Variants in CAMTA1 observed in about 807,000 individuals in gnomAD.
The protein encoded by CAMTA1 is calmodulin binding transcription activator 1.
In CAMTA1, 27 loss-of-function variants were observed where a neutral mutation model predicts 170.9. That is an observed-to-expected ratio of 0.16 (90% CI 0.12 to 0.22). The LOEUF (loss-of-function observed/expected upper bound fraction) is 0.22. Ranked by LOEUF, CAMTA1 falls within the 10% of genes least tolerant of loss-of-function variation. CAMTA1 has a pLI of 1.00. For synonymous variants in CAMTA1, 833 were observed against 891.5 expected, an observed-to-expected ratio of 0.93 and a Z score of 1.17; for missense variants, 1,619 against 2,217.2, an observed-to-expected ratio of 0.73 and a Z score of 5.42.
At chr1:7,500,083 G>T (rs2093962416) in intron 6 of CAMTA1, among the ~76,000 whole-genome samples, 1 of 148,174 alleles carries the variant, frequency 6.7e-6, no homozygotes, top group Non-Finnish European at 1.5e-5. Flanking sequence ...GTGTGTGCAT[G>T]TGTGTCCATG....
chr1:7,601,820 A>AAG (rs1326894599), intron 6 of CAMTA1, among the ~76,000 whole-genome samples: 10 of 152,134 alleles, frequency 6.6e-5, no homozygotes, highest in Non-Finnish European at 1.2e-4. Flanking sequence ...GCGCGCCTGC[A>AAG]ATCGCAGGCA....
intron 3 of CAMTA1, among the ~76,000 whole-genome samples, chr1:7,070,056 C>T (rs1453849297): frequency 6.6e-6 from 1 of 152,194 alleles, no homozygotes; most frequent in Non-Finnish European, 1.5e-5. Flanking sequence ...AGCCGCAGCT[C>T]CCTCGGAAGG....
At chr1:7,723,638 A>T (rs1415682824) in intron 11 of CAMTA1, among the ~76,000 whole-genome samples, 2 of 152,118 alleles carry the variant, frequency 1.3e-5, no homozygotes, top group Non-Finnish European at 2.9e-5. Context: ...TAACCAAATG[A>T]TGGAGGCTGA....
chr1:7,470,232 G>A (rs2093305720), intron 6 of CAMTA1, among the ~76,000 whole-genome samples: 1 of 152,224 alleles, frequency 6.6e-6, no homozygotes, highest in African/African-American at 2.4e-5. Flanking sequence ...TCTGTGCGGG[G>A]CAACAGCAGG....
intron 4 of CAMTA1, among the ~76,000 whole-genome samples, chr1:7,168,394 TTTTG>T (rs1055159446): frequency 4.6e-5 from 7 of 152,136 alleles, no homozygotes; most frequent in African/African-American, 1.4e-4. Context: ...TAGAAGTTCT[TTTTG>T]TTTGTTTGTT....
chr1:7,073,693 C>T (rs1638937800), intron 3 of CAMTA1, among the ~76,000 whole-genome samples: 2 of 152,096 alleles, frequency 1.3e-5, no homozygotes, highest in Non-Finnish European at 2.9e-5. Context: ...TAAGAATTTG[C>T]CATGGGCTTT....
intron 3 of CAMTA1, among the ~76,000 whole-genome samples, chr1:6,882,475 G>A (rs1671890588): frequency 6.6e-6 from 1 of 152,186 alleles, no homozygotes; most frequent in Admixed American, 6.5e-5. Flanking sequence ...CTGGTAGACT[G>A]TATTAATATA....
intron 11 of CAMTA1, among the ~76,000 whole-genome samples, chr1:7,722,700 T>C (rs1274739752): frequency 6.6e-6 from 1 of 152,156 alleles, no homozygotes; most frequent in Non-Finnish European, 1.5e-5. Flanking sequence ...TAGTTTAATA[T>C]ATCAATAAGG....
chr1:7,048,284 A>T (rs1184517897), intron 3 of CAMTA1, among the ~76,000 whole-genome samples: 1 of 152,176 alleles, frequency 6.6e-6, no homozygotes, highest in Non-Finnish European at 1.5e-5. Flanking sequence ...AGAGCGTGGA[A>T]AAAAGGGGAA....
intron 4 of CAMTA1, among the ~76,000 whole-genome samples, chr1:7,167,765 T>C (rs1648778097): frequency 6.6e-6 from 1 of 152,018 alleles, no homozygotes; most frequent in African/African-American, 2.4e-5. Context: ...TAATTAATTT[T>C]AGAGACAGAG....
intron 5 of CAMTA1, among the ~76,000 whole-genome samples, chr1:7,449,624 G>A (rs7550780): frequency 0.16 from 24,711 of 151,758 alleles, 2,227 homozygotes; most frequent in East Asian, 0.33. Context: ...ACAAAAATTA[G>A]CTGGGCGTCA....
intron 4 of CAMTA1, among the ~76,000 whole-genome samples, chr1:7,161,139 C>T (rs772956760): frequency 2.0e-5 from 3 of 152,196 alleles, no homozygotes; most frequent in Non-Finnish European, 2.9e-5. Context: ...CTTTCCTCTG[C>T]TCTCAAACAA....
chr1:7,061,641 G>A (rs921305988), intron 3 of CAMTA1, among the ~76,000 whole-genome samples: 1 of 147,918 alleles, frequency 6.8e-6, no homozygotes, highest in Admixed American at 6.8e-5. Flanking sequence ...TGTCAGCGGC[G>A]GAAACCAGCT....
chr1:6,790,107 G>A lies in CAMTA1; in HGVS notation c.45+4532G>A, dbSNP rs527669191. Among the ~76,000 whole-genome samples, 5 of 152,134 alleles carry A rather than the reference G, an allele frequency of 3.3e-5. No homozygotes were observed. In the East Asian group the frequency reaches 9.7e-4, roughly 29 times the overall value. Reference sequence around the variant, plus strand: ...GCCTCCCAAAGTGCTGGGATTACAGGCGCAAGCTGCCACGCCTGGCCTTCG... The same window carrying A: ...GCCTCCCAAAGTGCTGGGATTACAGACGCAAGCTGCCACGCCTGGCCTTCG... On this transcript the variant is annotated intron_variant, in intron 1 of 22. Transcript: ENST00000303635.
In CAMTA1 at chr1:7,605,286, A is replaced by C. The variant is rs1576357680; in HGVS notation, c.511-35114A>C. On this transcript the variant is annotated intron_variant, in intron 6 of 22. Coordinates refer to ENST00000303635, the MANE Select transcript of CAMTA1 (RefSeq NM_015215.4). ...GGCTATGCCCTGCCCCCAGAGGTGG[A>C]GTCTACAGAGGCAGGCAGGCCTCCT... Among the ~76,000 whole-genome samples, 9 of 152,334 alleles carry C rather than the reference A, an allele frequency of 5.9e-5. No individual in the cohort carries two copies. In the South Asian group the frequency reaches 1.9e-3, roughly 32 times the overall value.
At chr1:7,231,981 C>T (rs1444956381) in intron 4 of CAMTA1, among the ~76,000 whole-genome samples, 1 of 152,214 alleles carries the variant, frequency 6.6e-6, no homozygotes, top group African/African-American at 2.4e-5. Context: ...GATGGCTCAG[C>T]CTGCCAACTT....
chr1:6,882,022 T>C (rs1671783241), intron 3 of CAMTA1, among the ~76,000 whole-genome samples: 1 of 152,164 alleles, frequency 6.6e-6, no homozygotes, highest in Admixed American at 6.6e-5. Flanking sequence ...GTGCAGAGAA[T>C]CTTCCAGGGC....
At chr1:7,721,779 G>A (rs1008498911) in intron 11 of CAMTA1, among the ~76,000 whole-genome samples, 2 of 152,006 alleles carry the variant, frequency 1.3e-5, no homozygotes, top group African/African-American at 4.8e-5. Context: ...CCAGGCTGGA[G>A]TGCAGTGTAT....
At chr1:7,757,288 T>C (rs547273399) in intron 22 of CAMTA1, among the ~76,000 whole-genome samples, 3 of 152,344 alleles carry the variant, frequency 2.0e-5, no homozygotes, top group South Asian at 2.1e-4. Context: ...TCTTTTAATG[T>C]AGCAGGAAAG....
Sources: allele counts gnomAD v4.1 joint callset (sites outside exome capture counted in the v4.1 genomes callset), GRCh38; gene constraint gnomAD v4.1.1; transcripts MANE v1.5; gene names NCBI Gene and HGNC (gene_info 2026-07-23, HGNC 2026-07-21).